PCDHAC1: variants seen among roughly 807,000 people sequenced by gnomAD.
PCDHAC1 encodes protocadherin alpha subfamily C, 1.
In PCDHAC1, 42 loss-of-function variants were observed where a neutral mutation model predicts 60.0. The ratio of observed to expected loss-of-function variants is 0.70; its 90% confidence interval spans 0.55 to 0.90. The LOEUF (loss-of-function observed/expected upper bound fraction) is 0.90. Among genes scored for constraint, PCDHAC1 ranks in the 40% least tolerant of loss-of-function variants. PCDHAC1 has a pLI of 0.00. For synonymous variants in PCDHAC1, 468 were observed against 499.3 expected (o/e 0.94, Z 0.84); for missense variants, 1,160 against 1,222.3 (o/e 0.95, Z 0.76).
intron 3 of PCDHAC1, among the ~76,000 whole-genome samples, chr5:140,996,661 G>A (rs1554255301): frequency 6.6e-6 from 1 of 152,194 alleles, no homozygotes; most frequent in Admixed American, 6.5e-5. Context: ...GTGCAGGCTA[G>A]TTTTTGAACC....
intron 3 of PCDHAC1, among the ~76,000 whole-genome samples, chr5:141,005,701 CAAAAAAAAAA>C (rs59860837): frequency 9.0e-4 from 7 of 7,792 alleles, no homozygotes; most frequent in East Asian, 6.4e-3. Context: ...AACTCCGTCT[CAAAAAAAAAA>C]AAAAAAAAAA....
chr5:140,929,539 G>A (rs155821), intron 1 of PCDHAC1: 194,060 of 591,620 alleles, frequency 0.33, 32,601 homozygotes, highest in East Asian at 0.49. Flanking sequence ...TGAGAAACAA[G>A]GGCAAAAATT....
chr5:140,936,944 T>A (rs900789474), intron 1 of PCDHAC1, among the ~76,000 whole-genome samples: 3 of 152,226 alleles, frequency 2.0e-5, no homozygotes, highest in African/African-American at 7.2e-5. Flanking sequence ...AATATCTTAT[T>A]TTGATCTTTA....
chr5:140,966,917 G>T, intron 1 of PCDHAC1: 1 of 1,602,580 alleles, frequency 6.2e-7, no homozygotes, highest in Non-Finnish European at 8.5e-7. Context: ...TGTGCCAGAG[G>T]AGCAGGCACC....
chr5:140,975,964 T>C (rs1554237162), intron 1 of PCDHAC1, among the ~76,000 whole-genome samples: 2 of 152,218 alleles, frequency 1.3e-5, no homozygotes, highest in South Asian at 2.1e-4. Flanking sequence ...TCTTCACCAA[T>C]AGAAAGTAAG....
chr5:140,951,321 A>AT (rs2094571430), intron 1 of PCDHAC1, among the ~76,000 whole-genome samples: 1 of 152,098 alleles, frequency 6.6e-6, no homozygotes, highest in Non-Finnish European at 1.5e-5. Context: ...TATTCTTGAG[A>AT]TTCATCATTC....
chr5:140,947,543 G>A (rs1013985097), intron 1 of PCDHAC1, among the ~76,000 whole-genome samples: 1 of 151,548 alleles, frequency 6.6e-6, no homozygotes, highest in African/African-American at 2.4e-5. Context: ...TTTCTACAAA[G>A]AATTCCGCTG....
At chr5:140,965,880 A>G (rs1414604415) in intron 1 of PCDHAC1, among the ~76,000 whole-genome samples, 1 of 152,190 alleles carries the variant, frequency 6.6e-6, no homozygotes, top group Non-Finnish European at 1.5e-5. Context: ...CTTGGCCGAG[A>G]GCAGAATTGA....
At chr5:140,933,253 A>G (rs958671776) in intron 1 of PCDHAC1, among the ~76,000 whole-genome samples, 2 of 152,008 alleles carry the variant, frequency 1.3e-5, no homozygotes, top group Non-Finnish European at 2.9e-5. Context: ...TATAAACACA[A>G]AAGGTTATTA....
intron 1 of PCDHAC1, among the ~76,000 whole-genome samples, chr5:140,961,335 A>G (rs548773476): frequency 1.6e-4 from 24 of 152,322 alleles, no homozygotes; most frequent in African/African-American, 5.8e-4. Context: ...TGAGAGACCA[A>G]GAGTGGATCC....
At chr5:140,959,407 G>A (rs1449444307) in intron 1 of PCDHAC1, among the ~76,000 whole-genome samples, 3 of 152,052 alleles carry the variant, frequency 2.0e-5, no homozygotes, top group African/African-American at 7.2e-5. Flanking sequence ...ATAAAGTGTT[G>A]ATTGATCTGA....
chr5:141,000,383 CTCTCTCTCTCTCTA>C (rs1438422699), intron 3 of PCDHAC1, among the ~76,000 whole-genome samples: 4 of 63,178 alleles, frequency 6.3e-5, no homozygotes, highest in African/African-American at 2.9e-4. Context: ...CTCTCTCTCT[CTCTCTCTCTCTCTA>C]TATATATATA....
In PCDHAC1 at chr5:140,928,043, C is replaced by A. The variant is rs1554205400; in HGVS notation, c.1151C>A (p.Pro384His). 6.2e-7 allele frequency: 1 copy of A among 1,614,192 alleles called. No individual in the cohort carries two copies. The highest frequency in any genetic ancestry group is 8.5e-7 in the Non-Finnish European group (1 of 1,180,046). ...ATTTGTGGCATGTCTAGTGCAGGCCCTTTTCAGCTGACGGCTTCCTTTGAC... is the reference window on the plus strand; with the variant it reads ...ATTTGTGGCATGTCTAGTGCAGGCCATTTTCAGCTGACGGCTTCCTTTGAC... ...RVICGMSSAGPFQLTASFDNY... is the reference protein window; with the variant it reads ...RVICGMSSAGHFQLTASFDNY... Residue 384 changes from proline to histidine, a missense_variant, in exon 1 of 4, where the codon CCT (proline) becomes CAT (histidine). By Grantham distance (77) the Pro-to-His change is moderately conservative (BLOSUM62 -2). Coordinates refer to ENST00000253807, the MANE Select transcript of PCDHAC1 (RefSeq NM_018898.5).
intron 1 of PCDHAC1, among the ~76,000 whole-genome samples, chr5:140,971,368 G>A (rs1433220574): frequency 1.3e-5 from 2 of 152,186 alleles, no homozygotes; most frequent in Non-Finnish European, 2.9e-5. Context: ...TGCCAGGAGA[G>A]TGCATGACTT....
Position 140,963,857 on chromosome 5 carries a change from G to A in PCDHAC1, c.2434-15092G>A, listed in dbSNP as rs181224305. The stretch of plus-strand genomic sequence containing the variant: ...TTCTCATGTAATCATAATAATAACC[G>A]TATGAGTTTTGCTTACTATTGTTTT... On this transcript the variant is annotated intron_variant, in intron 1 of 3. Transcript: ENST00000253807. Among the ~76,000 whole-genome samples the A allele has an allele frequency of 5.3e-5, 8 of 152,252 alleles. 1 individual carries two copies. The East Asian group carries it at 7.7e-4, about 15-fold the overall frequency.
chr5:140,990,232 C>T (rs983376308), intron 3 of PCDHAC1, among the ~76,000 whole-genome samples: 4 of 152,054 alleles, frequency 2.6e-5, no homozygotes, highest in Non-Finnish European at 4.4e-5. Flanking sequence ...TTGTAACTAG[C>T]GTTGTATTCC....
At chr5:141,009,312 A>G (rs1355833857) in intron 3 of PCDHAC1, among the ~76,000 whole-genome samples, 1 of 152,160 alleles carries the variant, frequency 6.6e-6, no homozygotes, top group Non-Finnish European at 1.5e-5. Context: ...TTAAAAAGCT[A>G]GCCTGGCATG....
At chr5:140,970,753 C>T (rs1282500516) in intron 1 of PCDHAC1, among the ~76,000 whole-genome samples, 1 of 152,176 alleles carries the variant, frequency 6.6e-6, no homozygotes, top group Non-Finnish European at 1.5e-5. Context: ...AATATATTTT[C>T]ATTGACATAT....
rs1554206072 is a variant in PCDHAC1 at position 140,928,623 on chromosome 5, A to G, written c.1731A>G (p.Gly577=). ...VEIVPRSART[G]HLVTKVVAED... ...TTGTGCCCCGCTCTGCCAGGACTGG[A>G]CACTTGGTCACAAAAGTGGTAGCAG... Residue 577 remains glycine, a synonymous_variant, in exon 1 of 4, where the codon GGA becomes GGG. Coordinates refer to ENST00000253807, the MANE Select transcript of PCDHAC1 (RefSeq NM_018898.5). 1 of 1,614,210 alleles carries G rather than the reference A, an allele frequency of 6.2e-7. No individual in the cohort carries two copies. The highest frequency in any genetic ancestry group is 1.3e-5 in the African/African-American group (1 of 75,050).
Sources: allele counts gnomAD v4.1 joint callset (sites outside exome capture counted in the v4.1 genomes callset), GRCh38; gene constraint gnomAD v4.1.1; transcripts MANE v1.5; gene names NCBI Gene and HGNC (gene_info 2026-07-23, HGNC 2026-07-21).